RPS6KC1: variants seen among roughly 807,000 people sequenced by gnomAD.
The protein encoded by RPS6KC1 is inactive ribosomal protein S6 kinase delta-1.
A neutral mutation model predicts 103.8 loss-of-function variants in RPS6KC1; 54 were observed. The ratio of observed to expected loss-of-function variants is 0.52; its 90% CI spans 0.42 to 0.65. RPS6KC1 has a LOEUF of 0.65. Ranked by LOEUF, RPS6KC1 falls within the 30% of genes least tolerant of loss-of-function variation. RPS6KC1 has a pLI of 0.00. For synonymous variants in RPS6KC1, 439 were observed against 438.7 expected (o/e 1.00, Z -0.01); for missense variants, 1,151 against 1,253.8 (o/e 0.92, Z 1.24).
chr1:213,415,237 C>T, the RPS6KC1 span, among the ~76,000 whole-genome samples: 3 of 152,238 alleles, frequency 2.0e-5, no homozygotes, highest in Admixed American at 2.0e-4. Flanking sequence ...AAAGAAGCTG[C>T]TATCGCAATT....
the RPS6KC1 span, among the ~76,000 whole-genome samples, chr1:213,382,932 C>T: frequency 0.89 from 135,533 of 152,304 alleles, 60,401 homozygotes; most frequent in East Asian, 0.99. Context: ...CAGGACTCGG[C>T]ACTCTTAACC....
the RPS6KC1 span, among the ~76,000 whole-genome samples, chr1:213,486,924 T>C: frequency 1.5e-4 from 23 of 152,364 alleles, no homozygotes; most frequent in African/African-American, 5.1e-4. Flanking sequence ...TATATAGAAC[T>C]GTTGGAAGTT....
At chr1:213,680,193 C>T in the RPS6KC1 span, among the ~76,000 whole-genome samples, 12 of 152,220 alleles carry the variant, frequency 7.9e-5, no homozygotes, top group South Asian at 2.1e-4. Flanking sequence ...TACAACTTTT[C>T]GGGAACACGA....
At chr1:213,227,676 T>G (rs1403793558) in intron 8 of RPS6KC1, among the ~76,000 whole-genome samples, 2 of 152,214 alleles carry the variant, frequency 1.3e-5, no homozygotes, top group African/African-American at 4.8e-5. Context: ...TTGCCTAGGT[T>G]CCTTCTTAGG....
the RPS6KC1 span, among the ~76,000 whole-genome samples, chr1:213,643,845 A>T: frequency 1.3e-5 from 2 of 152,008 alleles, no homozygotes; most frequent in African/African-American, 4.8e-5. Context: ...TTAAAATATC[A>T]CAAATAGATA....
At chr1:213,131,707 G>C (rs972406268) in intron 6 of RPS6KC1, among the ~76,000 whole-genome samples, 2 of 152,218 alleles carry the variant, frequency 1.3e-5, no homozygotes, top group African/African-American at 4.8e-5. Flanking sequence ...GCCTCCCACA[G>C]TGCTGGGATT....
At chr1:213,363,637 T>G in the RPS6KC1 span, among the ~76,000 whole-genome samples, 5,994 of 45,078 alleles carry the variant, frequency 0.13, 190 homozygotes, top group South Asian at 0.16. Context: ...TTTCTTTCTT[T>G]CTTTCTTTCT....
At chr1:213,175,570 TA>T (rs2091811489) in intron 7 of RPS6KC1, among the ~76,000 whole-genome samples, 2 of 152,232 alleles carry the variant, frequency 1.3e-5, no homozygotes, top group African/African-American at 4.8e-5. Context: ...CCTTAGAATT[TA>T]TCTAATTTAA....
chr1:213,219,314 A>G (rs1054707587), intron 8 of RPS6KC1, among the ~76,000 whole-genome samples: 2 of 152,214 alleles, frequency 1.3e-5, no homozygotes, highest in Non-Finnish European at 2.9e-5. Context: ...GTGAGATACC[A>G]TCTCACACCA....
chr1:213,419,314 T>A, the RPS6KC1 span, among the ~76,000 whole-genome samples: 5 of 152,336 alleles, frequency 3.3e-5, 1 homozygote, highest in Admixed American at 3.3e-4. Context: ...TGCCATTAGC[T>A]GGGATCAGTA....
intron 1 of RPS6KC1, among the ~76,000 whole-genome samples, chr1:213,055,438 C>T (rs2077258702): frequency 6.6e-6 from 1 of 151,944 alleles, no homozygotes; most frequent in African/African-American, 2.4e-5. Context: ...TATGGTTATA[C>T]TGCATTTTAT....
chr1:213,753,896 T>G, the RPS6KC1 span, among the ~76,000 whole-genome samples: 1 of 152,106 alleles, frequency 6.6e-6, no homozygotes, highest in Non-Finnish European at 1.5e-5. Flanking sequence ...GATGTGCCAG[T>G]TGAGGGGATA....
chr1:213,517,728 G>A, the RPS6KC1 span, among the ~76,000 whole-genome samples: 1 of 152,186 alleles, frequency 6.6e-6, no homozygotes, highest in Admixed American at 6.5e-5. Context: ...GGAAAGTTCT[G>A]TAGATGTCTA....
At chr1:213,653,825 A>G in the RPS6KC1 span, among the ~76,000 whole-genome samples, 3 of 152,172 alleles carry the variant, frequency 2.0e-5, no homozygotes, top group Non-Finnish European at 2.9e-5. Context: ...TCTAATCTGC[A>G]TTTTCACATT....
At chr1:213,503,836 T>A in the RPS6KC1 span, among the ~76,000 whole-genome samples, 1 of 152,180 alleles carries the variant, frequency 6.6e-6, no homozygotes, top group Non-Finnish European at 1.5e-5. Flanking sequence ...TTCTGGAAAA[T>A]AATCTCAAAG....
the RPS6KC1 span, among the ~76,000 whole-genome samples, chr1:213,691,841 C>T: frequency 5.9e-5 from 9 of 152,176 alleles, no homozygotes; most frequent in South Asian, 4.2e-4. Flanking sequence ...ATGAATCTTC[C>T]GCAAGCAGGA....
At chr1:213,648,596 A>AT in the RPS6KC1 span, among the ~76,000 whole-genome samples, 226 of 152,066 alleles carry the variant, frequency 1.5e-3, 3 homozygotes, top group East Asian at 0.026. Context: ...CCCTCATCTG[A>AT]AATCCTAGGG....
chr1:213,593,440 A>G, the RPS6KC1 span, among the ~76,000 whole-genome samples: 92 of 152,344 alleles, frequency 6.0e-4, 4 homozygotes, highest in South Asian at 0.018. Context: ...AGTCAAGGAT[A>G]TTCCCCTGGA....
chr1:213,509,333 G>A, the RPS6KC1 span, among the ~76,000 whole-genome samples: 2 of 151,692 alleles, frequency 1.3e-5, no homozygotes, highest in African/African-American at 4.8e-5. Flanking sequence ...AAGAAAGAGA[G>A]TTGATCCTTT....
Sources: allele counts gnomAD v4.1 joint callset (sites outside exome capture counted in the v4.1 genomes callset), GRCh38; gene constraint gnomAD v4.1.1; transcripts MANE v1.5; gene names NCBI Gene and HGNC (gene_info 2026-07-23, HGNC 2026-07-21).